The following ZNF276 variants were observed in gnomAD, a reference collection of about 807,000 sequenced individuals.
ZNF276 encodes centromere protein Z.
ZNF276 carries 59 observed loss-of-function variants against 63.9 expected under a neutral mutation model. The ratio of observed to expected loss-of-function variants is 0.92; its 90% confidence interval spans 0.75 to 1.15. The LOEUF (loss-of-function observed/expected upper bound fraction) is 1.15, where lower values mean the gene tolerates loss of function less well. Ranked by LOEUF, ZNF276 falls within the 50% of genes most tolerant of loss-of-function variation. The pLI is 0.00. For synonymous variants in ZNF276, 496 were observed against 348.4 expected, an observed-to-expected ratio of 1.42 and a Z score of -4.72; for missense variants, 1,084 against 843.8, an observed-to-expected ratio of 1.28 and a Z score of -3.53.
chr16:89,738,205 G>A lies in ZNF276; in HGVS notation c.1804G>A (p.Val602Met), dbSNP rs1405074635. 2 of 1,611,168 alleles carry A rather than the reference G, an allele frequency of 1.2e-6. No homozygotes were observed. The highest frequency in any genetic ancestry group is 1.3e-5 in the African/African-American group (1 of 74,862). The change falls in exon 11 of 11, where the codon GTG (valine) becomes ATG (methionine). Residue 602 changes from valine to methionine, a missense_variant. Transcript: ENST00000443381. Reference protein sequence around the residue: ...EPPPGPPSPSVTTEGQAVKPE... With the variant: ...EPPPGPPSPSMTTEGQAVKPE... The stretch of plus-strand genomic sequence containing the variant: ...ACCACCTGGGCCACCGAGCCCCTCT[G>A]TGACCACAGAGGGCCAGGCGGTGAA...
In ZNF276 at chr16:89,738,094, A is replaced by G. The variant is rs775480785; in HGVS notation, c.1693A>G (p.Lys565Glu). Reference protein sequence around the residue: ...ACDQCGRRFEKAHNLNVHMSM... With the variant: ...ACDQCGRRFEEAHNLNVHMSM... The stretch of plus-strand genomic sequence containing the variant: ...TGACCAGTGTGGCCGGCGGTTTGAG[A>G]AGGCCCACAACCTCAATGTACACAT... The change falls in exon 11 of 11, where the codon AAG becomes GAG. Residue 565 changes from lysine to glutamate, a missense_variant. Coordinates refer to ENST00000443381, the MANE Select transcript of ZNF276 (RefSeq NM_001113525.2). 3.1e-6 allele frequency: 5 copies of G among 1,613,928 alleles called. No individual in the cohort carries two copies. Among genetic ancestry groups the G allele is most frequent in the Middle Eastern group, 1.6e-4 (1 of 6,062 alleles).
chr16:89,730,414 G>A (rs914743503), intron 6 of ZNF276, among the ~76,000 whole-genome samples: 2 of 152,272 alleles, frequency 1.3e-5, no homozygotes, highest in East Asian at 3.9e-4. Context: ...AAGGTCTGGG[G>A]CTGCTGGTGT....
chr16:89,738,817 A>G lies in ZNF276; in HGVS notation c.*571A>G, dbSNP rs2151710402. 6.2e-7 allele frequency: 1 copy of G among 1,614,022 alleles called. No individual in the cohort carries two copies. The highest frequency in any genetic ancestry group is 8.5e-7 in the Non-Finnish European group (1 of 1,179,990). On this transcript the variant is annotated 3_prime_UTR_variant, in exon 11 of 11. Transcript: ENST00000443381. ...GTTGTATTGCCAGCCAGGCAGGCAC[A>G]TGGCCCAGGCAGCTGTCAATTCTCA...
In ZNF276 at chr16:89,739,090, TG is replaced by T. The variant is rs747194256; in HGVS notation, c.*850del. 2 of 1,613,868 alleles carry T rather than the reference TG, an allele frequency of 1.2e-6. No homozygotes were observed. The highest frequency in any genetic ancestry group is 1.7e-6 in the Non-Finnish European group (2 of 1,179,832). ...TTCTTTGGCAGAAGGAGCCTCCGGCTGGGGGGAGCTCCCCTGGAGGTGGGAC... is the reference window on the plus strand; with the variant it reads ...TTCTTTGGCAGAAGGAGCCTCCGGCTGGGGGAGCTCCCCTGGAGGTGGGAC... On this transcript the variant is annotated 3_prime_UTR_variant, in exon 11 of 11. Coordinates refer to ENST00000443381, the MANE Select transcript of ZNF276 (RefSeq NM_001113525.2).
At position 89,739,118 on chromosome 16, in the gene ZNF276, G is replaced by A. The variant is rs2062053171; in HGVS notation, c.*872G>A. On this transcript the variant is annotated 3_prime_UTR_variant, in exon 11 of 11. Coordinates refer to ENST00000443381, the MANE Select transcript of ZNF276 (RefSeq NM_001113525.2). ...GGGGAGCTCCCCTGGAGGTGGGACT[G>A]GCCCTTGCACCTGCCTGACCCTTGA... 2 of 1,614,064 alleles carry A rather than the reference G, an allele frequency of 1.2e-6. No individual in the cohort carries two copies. Among genetic ancestry groups the A allele is most frequent in the Non-Finnish European group, 1.7e-6 (2 of 1,179,970 alleles).
chr16:89,720,464 G>A, upstream of ZNF276: 1 of 1,085,882 alleles, frequency 9.2e-7, no homozygotes, highest in South Asian at 4.4e-5. Flanking sequence ...TCGGATTTTG[G>A]AAGGTGGCCT....
Position 89,740,033 on chromosome 16 carries a change from TC to T in ZNF276, c.*1789del. 6.2e-7 allele frequency: 1 copy of T among 1,614,186 alleles called. No individual in the cohort carries two copies. The highest frequency in any genetic ancestry group is 8.5e-7 in the Non-Finnish European group (1 of 1,180,022). ...TGAAAGAGTGCCAGCCAGGATATCT[TC>T]CTCTTCTCTAAACACTCGAGGATTG... On this transcript the variant is annotated 3_prime_UTR_variant, in exon 11 of 11. Transcript: ENST00000443381.
rs780798579 is a variant in ZNF276 at position 89,722,628 on chromosome 16, G to T, written c.303G>T (p.Ala101=). ...LRSISERAPG[A]SMERPSAEER... is the part of the protein sequence containing the mutation. ...GCATCTCCGAGAGGGCGCCTGGAGC[G>T]AGCATGGAGAGGCCATCCGCAGAGG... The change falls in exon 2 of 11, where the codon GCG becomes GCT. Residue 101 remains alanine (A), a synonymous_variant. Coordinates refer to ENST00000443381, the MANE Select transcript of ZNF276 (RefSeq NM_001113525.2). The T allele has an allele frequency of 9.3e-6, 15 of 1,611,986 alleles. 1 individual carries two copies. The highest frequency in any genetic ancestry group is 1.3e-5 in the Non-Finnish European group (15 of 1,180,028).
chr16:89,734,326 ATTTT>A (rs2061776813), intron 9 of ZNF276, among the ~76,000 whole-genome samples: 1 of 10,650 alleles, frequency 9.4e-5, no homozygotes, highest in African/African-American at 1.2e-4. Context: ...TGGTCATTTT[ATTTT>A]TTAATTTTTT....
chr16:89,728,660 C>A (rs1174888923), intron 5 of ZNF276, among the ~76,000 whole-genome samples: 2 of 152,082 alleles, frequency 1.3e-5, no homozygotes, highest in African/African-American at 4.8e-5. Context: ...CCTCTGCCTC[C>A]CAAAGTGCTG....
In ZNF276 at chr16:89,739,407, G is replaced by A; in HGVS notation, c.*1161G>A. On this transcript the variant is annotated 3_prime_UTR_variant, in exon 11 of 11. Coordinates refer to ENST00000443381, the MANE Select transcript of ZNF276 (RefSeq NM_001113525.2). ...ACAGACAACCCTTCCCATCTGGCGG[G>A]ACCCAGAGGTGCTGAGATGGGGGTC... 6.4e-7 allele frequency: 1 copy of A among 1,558,606 alleles called. No individual in the cohort carries two copies. Among genetic ancestry groups the A allele is most frequent in the Middle Eastern group, 2.0e-4 (1 of 5,106 alleles).
rs765680860 is a variant in ZNF276 at position 89,739,861 on chromosome 16, C to CTAA, written c.*1616_*1617insAAT. The CTAA allele has an allele frequency of 1.3e-6, 2 of 1,534,280 alleles. No individual in the cohort carries two copies. The highest frequency in any genetic ancestry group is 2.7e-5 in the African/African-American group (2 of 72,738). On this transcript the variant is annotated 3_prime_UTR_variant, in exon 11 of 11. Transcript: ENST00000443381. The stretch of plus-strand genomic sequence containing the variant: ...TGCTTTAAACAAGTTTGTGCTTAAT[C>CTAA]TGTCCCAACTAAAATGGAGCTTATA...
upstream of ZNF276, chr16:89,720,707 G>A: frequency 4.5e-6 from 6 of 1,342,446 alleles, no homozygotes; most frequent in Non-Finnish European, 5.7e-6. Flanking sequence ...TCCCCGGGCG[G>A]GGGTCCCTCC....
chr16:89,738,164 C>G lies in ZNF276; in HGVS notation c.1763C>G (p.Pro588Arg), dbSNP rs747111210. 1 of 1,613,130 alleles carries G rather than the reference C, an allele frequency of 6.2e-7. No individual in the cohort carries two copies. Among genetic ancestry groups the G allele is most frequent in the Non-Finnish European group, 8.5e-7 (1 of 1,179,920 alleles). ...PLTQTQDKAL[P>R]LEAEPPPGPP... is the part of the protein sequence containing the mutation. ...ACACAGACCCAGGACAAGGCCCTGC[C>G]CCTGGAGGCGGAACCACCACCTGGG... Residue 588 changes from proline (P) to arginine (R), a missense_variant, in exon 11 of 11, where the codon CCC becomes CGC. By Grantham distance (103) the Pro-to-Arg change is moderately radical. Coordinates refer to ENST00000443381, the MANE Select transcript of ZNF276 (RefSeq NM_001113525.2).
rs749463081 is a variant in ZNF276 at position 89,738,295 on chromosome 16, C to T, written c.*49C>T. ...TCTAGCAGCCTGGACTCCGCAGTGG[C>T]TGTGTCAGCCTCACCCTTCGTGTGC... On this transcript the variant is annotated 3_prime_UTR_variant, in exon 11 of 11. Transcript: ENST00000443381. 13 of 1,539,066 alleles carry T rather than the reference C, an allele frequency of 8.4e-6. No individual in the cohort carries two copies. Among genetic ancestry groups the T allele is most frequent in the Middle Eastern group, 1.9e-4 (1 of 5,206 alleles).
At chr16:89,735,110 G>A (rs930167382) in intron 9 of ZNF276, among the ~76,000 whole-genome samples, 7 of 152,068 alleles carry the variant, frequency 4.6e-5, no homozygotes, top group East Asian at 3.9e-4. Flanking sequence ...TCCAGCCTGG[G>A]CAACAGTGAG....
intron 4 of ZNF276, among the ~76,000 whole-genome samples, chr16:89,724,234 G>C (rs1645353149): frequency 6.6e-6 from 1 of 152,234 alleles, no homozygotes; most frequent in African/African-American, 2.4e-5. Flanking sequence ...AGCACTGTGG[G>C]CTGGTGCAGC....
At chr16:89,721,006 C>T (rs1410756749), upstream of ZNF276, 2 of 804,236 alleles carry the variant, frequency 2.5e-6, no homozygotes, top group Admixed American at 4.6e-5. Context: ...GACGGGCCCC[C>T]TCCGCGCGTA....
chr16:89,731,560 C>T (rs1011392473), intron 6 of ZNF276: 1 of 152,298 alleles, frequency 6.6e-6, no homozygotes, highest in African/African-American at 2.4e-5. Flanking sequence ...CCTCAATGCA[C>T]TCTTTAAAGA....
Sources: gnomAD v4.1 joint callset for allele counts (sites outside exome capture counted in the v4.1 genomes callset) on GRCh38, gnomAD v4.1.1 for gene constraint, MANE v1.5 for transcripts, NCBI Gene and HGNC (gene_info 2026-07-23, HGNC 2026-07-21) for gene names.